ITPR1: variants seen among roughly 807,000 people sequenced by gnomAD.
ITPR1 encodes the protein inositol 1,4,5-trisphosphate-gated calcium channel ITPR1.
ITPR1 carries 96 observed loss-of-function variants against 318.4 expected under a neutral mutation model. That is an observed-to-expected ratio of 0.30 (90% CI 0.26 to 0.36). ITPR1 has a LOEUF of 0.36. Among genes scored for constraint, ITPR1 ranks in the 10% least tolerant of loss-of-function variants. ITPR1 has a pLI of 1.00. For synonymous variants in ITPR1, 1,312 were observed against 1,289.9 expected (o/e 1.02, Z -0.37); for missense variants, 2,440 against 3,460.2 (o/e 0.71, Z 7.40).
chr3:4,582,913 G>C (rs150258381), intron 4 of ITPR1, among the ~76,000 whole-genome samples: 1 of 152,180 alleles, frequency 6.6e-6, no homozygotes, highest in East Asian at 1.9e-4. Flanking sequence ...CTGGTGGCAC[G>C]TTGTCTGAGA....
intron 44 of ITPR1, among the ~76,000 whole-genome samples, chr3:4,761,119 C>A (rs1261040994): frequency 6.6e-6 from 1 of 152,192 alleles, no homozygotes; most frequent in Admixed American, 6.5e-5. Flanking sequence ...CCAGAGGCAA[C>A]CACCATTTTG....
In ITPR1 at chr3:4,697,316, G is replaced by GT. The variant is rs1553699267; in HGVS notation, c.4407+45dup. 2.6e-4 allele frequency: 200 copies of GT among 760,554 alleles called. No individual in the cohort carries two copies. In the African/African-American group the frequency reaches 0.013, roughly 48 times the overall value. 47.1% of individuals were successfully genotyped at this position (760,554 alleles called of 1,614,324 possible). On this transcript the variant is annotated intron_variant, in intron 34 of 61. Transcript: ENST00000649015. The stretch of plus-strand genomic sequence containing the variant: ...AGGAGGCAGAGTTGGAGAGTGAGAG[G>GT]TGTGTGTGTGTGTGTGTGTGTGTGT...
At chr3:4,674,587 G>C (rs2094148048) in intron 22 of ITPR1, among the ~76,000 whole-genome samples, 1 of 152,180 alleles carries the variant, frequency 6.6e-6, no homozygotes, top group African/African-American at 2.4e-5. Flanking sequence ...TAAAATGATA[G>C]AACATCACTT....
At chr3:4,557,751 T>C (rs754081473) in intron 4 of ITPR1, among the ~76,000 whole-genome samples, 3 of 152,200 alleles carry the variant, frequency 2.0e-5, no homozygotes, top group African/African-American at 7.2e-5. Flanking sequence ...ATCAAAGTTA[T>C]AGTGTAGGGA....
intron 55 of ITPR1, among the ~76,000 whole-genome samples, chr3:4,808,117 A>G (rs577515627): frequency 3.7e-4 from 56 of 152,356 alleles, no homozygotes; most frequent in African/African-American, 1.3e-3. Context: ...GGTGAGAGGA[A>G]CACAGTCCCT....
At chr3:4,636,871 T>G (rs958283652) in intron 5 of ITPR1, among the ~76,000 whole-genome samples, 8 of 152,284 alleles carry the variant, frequency 5.3e-5, no homozygotes, top group Non-Finnish European at 1.2e-4. Context: ...TAGTCTTTAA[T>G]GTGGAATATG....
At chr3:4,827,339 G>T (rs2050147174) in intron 60 of ITPR1, among the ~76,000 whole-genome samples, 1 of 152,174 alleles carries the variant, frequency 6.6e-6, no homozygotes. Context: ...TATAGTATAT[G>T]ATACTGAGAA....
chr3:4,793,752 T>G (rs1290367513), intron 52 of ITPR1, among the ~76,000 whole-genome samples: 2 of 152,224 alleles, frequency 1.3e-5, no homozygotes, highest in Admixed American at 6.5e-5. Flanking sequence ...GCTTCTGCCC[T>G]GTGCTGGGCC....
chr3:4,554,955 A>G (rs1027778344), intron 4 of ITPR1, among the ~76,000 whole-genome samples: 1 of 152,152 alleles, frequency 6.6e-6, no homozygotes, highest in Non-Finnish European at 1.5e-5. Context: ...CACAGCATTC[A>G]TGTGTGGGGA....
At chr3:4,793,648 G>C (rs895060935) in intron 52 of ITPR1, among the ~76,000 whole-genome samples, 3 of 152,140 alleles carry the variant, frequency 2.0e-5, no homozygotes, top group Non-Finnish European at 4.4e-5. Context: ...CTGGGTCCTG[G>C]CTGGCCCCCC....
intron 4 of ITPR1, among the ~76,000 whole-genome samples, chr3:4,604,720 G>C (rs1486808769): frequency 2.0e-5 from 3 of 152,118 alleles, no homozygotes; most frequent in Admixed American, 6.5e-5. Flanking sequence ...CTTAGGATCT[G>C]CAGTAGTTGG....
chr3:4,808,321 G>A (rs1042102764), intron 55 of ITPR1, among the ~76,000 whole-genome samples: 2 of 152,204 alleles, frequency 1.3e-5, no homozygotes, highest in African/African-American at 4.8e-5. Context: ...ACTGGTGGAG[G>A]CAGGAGAGCC....
intron 4 of ITPR1, among the ~76,000 whole-genome samples, chr3:4,602,581 C>G (rs555012724): frequency 2.7e-5 from 4 of 148,814 alleles, no homozygotes; most frequent in Admixed American, 6.7e-5. Flanking sequence ...CAACATTATT[C>G]ATCGTAGCTA....
At chr3:4,725,651 G>T (rs1230242528) in intron 41 of ITPR1, 70 bp downstream of exon 41, 15 of 1,369,096 alleles carry the variant, frequency 1.1e-5, no homozygotes, top group Non-Finnish European at 1.5e-5. Flanking sequence ...GTCCTGGTTG[G>T]GTGTCTGAAT....
intron 4 of ITPR1, among the ~76,000 whole-genome samples, chr3:4,577,444 C>G (rs1006478212): frequency 1.3e-5 from 2 of 152,196 alleles, no homozygotes; most frequent in African/African-American, 4.8e-5. Flanking sequence ...GCTGACGTTG[C>G]TAGCAGGCGA....
chr3:4,523,468 G>A (rs1017153372), intron 4 of ITPR1, among the ~76,000 whole-genome samples: 5 of 151,944 alleles, frequency 3.3e-5, no homozygotes, highest in Non-Finnish European at 7.4e-5. Flanking sequence ...TACTCTTAGT[G>A]AGTTTCAAAT....
rs753609303 is a variant in ITPR1, at chr3:4,642,134, G to A, written c.408G>A (p.Lys136=). The change falls in exon 7 of 62, where the codon AAG becomes AAA. Residue 136 remains lysine (K), a synonymous_variant. Transcript: ENST00000649015. The stretch of plus-strand genomic sequence containing the variant: ...GTAATAAATACCTAACAGTGAATAA[G>A]AGGCTTCCTGCTCTGTTGGAGAAGA... ...LKSNKYLTVN[K]RLPALLEKNA... The A allele has an allele frequency of 1.9e-6, 3 of 1,609,798 alleles. No homozygotes were observed. The highest frequency in any genetic ancestry group is 2.5e-6 in the Non-Finnish European group (3 of 1,177,698).
At chr3:4,537,938 T>A (rs979134460) in intron 4 of ITPR1, among the ~76,000 whole-genome samples, 6 of 152,228 alleles carry the variant, frequency 3.9e-5, no homozygotes, top group African/African-American at 1.2e-4. Context: ...CACTGACCCA[T>A]GTTTTTTCTG....
intron 4 of ITPR1, among the ~76,000 whole-genome samples, chr3:4,542,107 C>T (rs1360447919): frequency 1.3e-5 from 2 of 151,918 alleles, no homozygotes; most frequent in African/African-American, 2.4e-5. Flanking sequence ...ACTTCTGAAA[C>T]GTTTGGTCAT....
Sources: gnomAD v4.1 joint callset for allele counts (sites outside exome capture counted in the v4.1 genomes callset) on GRCh38, gnomAD v4.1.1 for gene constraint, MANE v1.5 for transcripts, NCBI Gene and HGNC (gene_info 2026-07-23, HGNC 2026-07-21) for gene names.